Variants in PTPRK observed in about 807,000 individuals in gnomAD.
The protein encoded by PTPRK is receptor-type tyrosine-protein phosphatase kappa.
A neutral mutation model predicts 178.0 loss-of-function variants in PTPRK; 75 were observed. The ratio of observed to expected loss-of-function variants is 0.42; its 90% CI spans 0.35 to 0.51. PTPRK has a LOEUF of 0.51. Ranked by LOEUF, PTPRK falls within the 20% of genes least tolerant of loss-of-function variation. The probability of loss-of-function intolerance (pLI) is 0.02; values close to 1 mark genes in which losing one functional copy is unlikely to be tolerated. For synonymous variants in PTPRK, 637 were observed against 620.6 expected, an observed-to-expected ratio of 1.03 and a Z score of -0.39; for missense variants, 1,441 against 1,797.8, an observed-to-expected ratio of 0.80 and a Z score of 3.59.
At chr6:128,473,922 AC>A (rs1321726744) in intron 1 of PTPRK, among the ~76,000 whole-genome samples, 3 of 152,086 alleles carry the variant, frequency 2.0e-5, no homozygotes, top group Non-Finnish European at 4.4e-5. Context: ...TAAAACAAAA[AC>A]AAAACCTGAC....
intron 7 of PTPRK, among the ~76,000 whole-genome samples, chr6:128,093,389 C>T (rs111235076): frequency 0.063 from 9,610 of 151,440 alleles, 406 homozygotes; most frequent in African/African-American, 0.11. Flanking sequence ...AGCTCAGGAG[C>T]TCGAGACCAG....
intron 6 of PTPRK, among the ~76,000 whole-genome samples, chr6:128,196,786 A>T (rs1804927873): frequency 6.6e-6 from 1 of 152,196 alleles, no homozygotes; most frequent in Non-Finnish European, 1.5e-5. Flanking sequence ...AAAAATAAGG[A>T]CATAAAATGG....
intron 11 of PTPRK, among the ~76,000 whole-genome samples, chr6:128,071,930 G>T (rs1782895113): frequency 6.6e-6 from 1 of 151,964 alleles, no homozygotes; most frequent in Non-Finnish European, 1.5e-5. Flanking sequence ...TTAATTAAAA[G>T]ATGAAATAAG....
chr6:128,028,218 C>A (rs1774660127), intron 13 of PTPRK, among the ~76,000 whole-genome samples: 1 of 151,916 alleles, frequency 6.6e-6, no homozygotes, highest in African/African-American at 2.4e-5. Flanking sequence ...CAAATAATTA[C>A]AAGTCACAAT....
At chr6:128,504,389 G>C (rs1033014274) in intron 1 of PTPRK, among the ~76,000 whole-genome samples, 3 of 152,214 alleles carry the variant, frequency 2.0e-5, no homozygotes, top group African/African-American at 4.8e-5. Flanking sequence ...CAAGGATAGA[G>C]TACTTTCAGC....
chr6:128,373,281 T>C (rs1390163376), intron 2 of PTPRK, among the ~76,000 whole-genome samples: 1 of 152,192 alleles, frequency 6.6e-6, no homozygotes, highest in African/African-American at 2.4e-5. Flanking sequence ...AGATATCAAT[T>C]AGGCACAGAT....
chr6:128,507,858 T>C (rs1331280147), intron 1 of PTPRK, among the ~76,000 whole-genome samples: 1 of 152,114 alleles, frequency 6.6e-6, no homozygotes, highest in Non-Finnish European at 1.5e-5. Context: ...AGAAAACAAA[T>C]GTGCTCTCTC....
intron 1 of PTPRK, among the ~76,000 whole-genome samples, chr6:128,437,960 G>T (rs1845810408): frequency 6.6e-6 from 1 of 152,200 alleles, no homozygotes; most frequent in Non-Finnish European, 1.5e-5. Context: ...CCAAATCCGT[G>T]CATACTAAAG....
At chr6:128,439,268 A>G (rs2128399487) in intron 1 of PTPRK, among the ~76,000 whole-genome samples, 1 of 152,278 alleles carries the variant, frequency 6.6e-6, no homozygotes, top group African/African-American at 2.4e-5. Flanking sequence ...ATGAATGAGC[A>G]CGGTAGATAA....
At chr6:128,432,906 T>C (rs1845023369) in intron 1 of PTPRK, among the ~76,000 whole-genome samples, 1 of 152,196 alleles carries the variant, frequency 6.6e-6, no homozygotes, top group Admixed American at 6.5e-5. Context: ...ATTTTGCAGC[T>C]ATAGTTTATT....
rs527655784 is a variant in PTPRK, at chr6:128,051,770, C to T, written c.2194+12988G>A. Among the ~76,000 whole-genome samples, 20 of 152,236 alleles carry T rather than the reference C, an allele frequency of 1.3e-4. No individual in the cohort carries two copies. In the South Asian group the frequency reaches 1.5e-3, roughly 11 times the overall value. ...CTCCCAAGTTCTAAGTTCTCTAGTT[C>T]CAGACATTCTCCACACTTTTATTTC... On this transcript the variant is annotated intron_variant, in intron 13 of 29. Transcript: ENST00000368226.
At chr6:128,054,213 T>C (rs1036262897) in intron 13 of PTPRK, among the ~76,000 whole-genome samples, 2 of 152,230 alleles carry the variant, frequency 1.3e-5, no homozygotes, top group African/African-American at 2.4e-5. Flanking sequence ...CTATAGCTTT[T>C]GTTCTACCTA....
At chr6:128,081,476 C>T (rs1784810207) in intron 10 of PTPRK, among the ~76,000 whole-genome samples, 1 of 151,826 alleles carries the variant, frequency 6.6e-6, no homozygotes, top group African/African-American at 2.4e-5. Context: ...TTGGAAAGTA[C>T]ATGTCTTCCT....
intron 2 of PTPRK, among the ~76,000 whole-genome samples, chr6:128,381,657 G>A (rs1041320114): frequency 5.3e-5 from 8 of 151,932 alleles, no homozygotes; most frequent in Non-Finnish European, 1.2e-4. Context: ...CATTTCACTG[G>A]TACAACAACA....
intron 13 of PTPRK, among the ~76,000 whole-genome samples, chr6:128,064,346 C>T (rs1284306305): frequency 1.3e-5 from 2 of 152,146 alleles, no homozygotes; most frequent in Admixed American, 1.3e-4. Flanking sequence ...TAATCTCTAT[C>T]CCTATAATCT....
chr6:128,151,494 T>G (rs550317730), intron 7 of PTPRK, among the ~76,000 whole-genome samples: 61 of 151,886 alleles, frequency 4.0e-4, no homozygotes, highest in Non-Finnish European at 7.1e-4. Flanking sequence ...AACATACAAC[T>G]GTAAGAAGTA....
chr6:127,986,190 A>G (rs1775957012), intron 21 of PTPRK, among the ~76,000 whole-genome samples: 2 of 152,114 alleles, frequency 1.3e-5, no homozygotes, highest in South Asian at 4.1e-4. Context: ...TTATTAGGGG[A>G]AAAGAAGGAA....
chr6:127,995,163 G>C (rs1474930685), intron 18 of PTPRK: 1 of 1,298,428 alleles, frequency 7.7e-7, no homozygotes, highest in Admixed American at 2.0e-5. Context: ...GAAATAACTA[G>C]TAGTAACAGA....
At chr6:128,481,524 A>G (rs959744019) in intron 1 of PTPRK, among the ~76,000 whole-genome samples, 2 of 152,038 alleles carry the variant, frequency 1.3e-5, no homozygotes, top group African/African-American at 4.8e-5. Context: ...TCCTACCATA[A>G]TGATGTCTGT....
Sources: gnomAD v4.1 joint callset for allele counts (sites outside exome capture counted in the v4.1 genomes callset) on GRCh38, gnomAD v4.1.1 for gene constraint, MANE v1.5 for transcripts, NCBI Gene and HGNC (gene_info 2026-07-23, HGNC 2026-07-21) for gene names.